Variants in MYO6 observed in about 807,000 individuals in gnomAD.
MYO6 encodes the protein unconventional myosin-VI.
Under a neutral mutation model 178.7 loss-of-function variants are expected in MYO6, and 74 were observed. The ratio of observed to expected loss-of-function variants is 0.41; its 90% confidence interval spans 0.34 to 0.50. The LOEUF is 0.50. Among genes scored for constraint, MYO6 ranks in the 20% least tolerant of loss-of-function variants. MYO6 has a pLI of 0.09. For synonymous variants in MYO6, 477 were observed against 504.6 expected, an observed-to-expected ratio of 0.95 and a Z score of 0.73; for missense variants, 1,330 against 1,547.4, an observed-to-expected ratio of 0.86 and a Z score of 2.36.
intron 1 of MYO6, among the ~76,000 whole-genome samples, chr6:75,811,293 G>A (rs1770679000): frequency 6.6e-6 from 1 of 151,974 alleles, no homozygotes; most frequent in African/African-American, 2.4e-5. Flanking sequence ...GTATAATTTG[G>A]GTTGGTTTTC....
intron 1 of MYO6, among the ~76,000 whole-genome samples, chr6:75,769,904 G>GA (rs1160945806): frequency 4.0e-5 from 6 of 150,426 alleles, no homozygotes; most frequent in Non-Finnish European, 8.9e-5. Flanking sequence ...TGTCTCAAAG[G>GA]AAAAAAAAAA....
intron 1 of MYO6, among the ~76,000 whole-genome samples, chr6:75,804,913 CATATATAATATATACACAT>C (rs1313800159): frequency 6.9e-6 from 1 of 145,454 alleles, no homozygotes; most frequent in African/African-American, 2.6e-5. Context: ...TATATACACA[CATATATAATATATACACAT>C]ATATACATAT....
intron 1 of MYO6, among the ~76,000 whole-genome samples, chr6:75,784,701 C>T (rs993926790): frequency 2.2e-5 from 3 of 138,034 alleles, no homozygotes; most frequent in Admixed American, 7.8e-5. Context: ...GGCGTGAACC[C>T]GGGAGGCGGA....
intron 30 of MYO6, among the ~76,000 whole-genome samples, chr6:75,905,127 A>C (rs1287344467): frequency 2.0e-5 from 3 of 152,112 alleles, no homozygotes; most frequent in African/African-American, 7.2e-5. Flanking sequence ...TGCTCTCTTC[A>C]AGGCTGTCAG....
rs141795988 is a variant in MYO6, at chr6:75,888,568, C to T, written c.2659-1489C>T. 4.7e-4 allele frequency among the ~76,000 whole-genome samples: 71 copies of T among 151,528 alleles called. No homozygotes were observed. The South Asian group carries it at 0.01, about 22-fold the overall frequency. ...AGGTTGCAGTGAACAGAGATTGCAC[C>T]ACTGCACTCCAGCCTGGGTGACAGT... On this transcript the variant is annotated intron_variant, in intron 25 of 34. Transcript: ENST00000369977.
chr6:75,907,245 G>A (rs9359148), intron 30 of MYO6, among the ~76,000 whole-genome samples: 19,767 of 152,092 alleles, frequency 0.13, 1,362 homozygotes, highest in Non-Finnish European at 0.15. Context: ...GTGTGTTGAG[G>A]ATTTCTTTCT....
At position 75,841,314 on chromosome 6, in the gene MYO6, T is replaced by C; in HGVS notation, c.752T>C (p.Leu251Ser). ...EERNYHIFYR[L>S]CAGASEDIRE... Reference sequence around the variant, plus strand: ...AGAAATTATCATATCTTTTATAGGTTGTGTGCTGGTGCTTCTGAAGATATT... The same window carrying C: ...AGAAATTATCATATCTTTTATAGGTCGTGTGCTGGTGCTTCTGAAGATATT... Residue 251 changes from leucine to serine, a missense_variant, in exon 9 of 35, where the codon TTG becomes TCG. This residue lies in a region of MYO6 where 613 missense variants were observed against 816.8 expected (regional missense o/e 0.75). Transcript: ENST00000369977. 2 of 1,614,034 alleles carry C rather than the reference T, an allele frequency of 1.2e-6. No homozygotes were observed. The highest frequency in any genetic ancestry group is 1.1e-5 in the South Asian group (1 of 91,086).
intron 1 of MYO6, among the ~76,000 whole-genome samples, chr6:75,816,067 G>T (rs887437612): frequency 1.3e-5 from 2 of 152,182 alleles, no homozygotes; most frequent in African/African-American, 4.8e-5. Flanking sequence ...CCATACAGGG[G>T]TAATGGAAAA....
chr6:75,825,916 T>C (rs1044943643), intron 3 of MYO6, among the ~76,000 whole-genome samples: 13 of 152,202 alleles, frequency 8.5e-5, no homozygotes, highest in Non-Finnish European at 1.6e-4. Context: ...TCAAATATTT[T>C]GTTATATGTC....
intron 1 of MYO6, among the ~76,000 whole-genome samples, chr6:75,788,778 T>A (rs1476828852): frequency 6.6e-6 from 1 of 152,082 alleles, no homozygotes; most frequent in Admixed American, 6.5e-5. Context: ...AGCTAAAGCG[T>A]AGAGATGGGA....
At chr6:75,882,513 G>A (rs940599083) in intron 23 of MYO6, among the ~76,000 whole-genome samples, 1 of 151,938 alleles carries the variant, frequency 6.6e-6, no homozygotes, top group Non-Finnish European at 1.5e-5. Flanking sequence ...TTTTTTGAAC[G>A]GAAGTCTGTC....
chr6:75,788,229 T>G (rs1370553066), intron 1 of MYO6, among the ~76,000 whole-genome samples: 15 of 151,936 alleles, frequency 9.9e-5, no homozygotes, highest in Admixed American at 9.8e-4. Context: ...CTAGGTGTGG[T>G]GGTGGGTGCT....
chr6:75,817,534 A>C lies in MYO6; in HGVS notation c.-14A>C, dbSNP rs1562201199. On this transcript the variant is annotated 5_prime_UTR_variant, in exon 2 of 35. Transcript: ENST00000369977. ...GGATAGTGGAAACAGGAGATCGTGG[A>C]TCCTCCTTCAAAAATGGAGGATGGA... 32 of 1,603,166 alleles carry C rather than the reference A, an allele frequency of 2.0e-5. No homozygotes were observed. Among genetic ancestry groups the C allele is most frequent in the Non-Finnish European group, 2.6e-5 (31 of 1,169,964 alleles).
At chr6:75,887,348 A>T (rs1281999789) in intron 25 of MYO6, among the ~76,000 whole-genome samples, 1 of 152,152 alleles carries the variant, frequency 6.6e-6, no homozygotes, top group Non-Finnish European at 1.5e-5. Context: ...CCTGAAATTA[A>T]AATAAAAGTT....
intron 7 of MYO6, among the ~76,000 whole-genome samples, chr6:75,839,063 T>G (rs1250479392): frequency 6.6e-5 from 10 of 152,092 alleles, no homozygotes; most frequent in Non-Finnish European, 7.4e-5. Flanking sequence ...GTGAAATGGC[T>G]GGGGAATGAT....
At chr6:75,894,745 C>T (rs2149379568) in intron 28 of MYO6, 1 of 1,033,072 alleles carries the variant, frequency 9.7e-7, no homozygotes. Flanking sequence ...GGGTTCTATG[C>T]TGTGTTAAAA....
At chr6:75,789,362 A>G (rs1225571984) in intron 1 of MYO6, among the ~76,000 whole-genome samples, 2 of 152,232 alleles carry the variant, frequency 1.3e-5, no homozygotes, top group African/African-American at 2.4e-5. Flanking sequence ...TTTAATCCTC[A>G]TAACAGGTTT....
intron 11 of MYO6, among the ~76,000 whole-genome samples, chr6:75,850,907 A>T (rs115254887): frequency 0.03 from 4,538 of 151,090 alleles, 96 homozygotes; most frequent in Non-Finnish European, 0.047. Context: ...AAAAAAAAAA[A>T]TTCAAGCAAA....
intron 23 of MYO6, among the ~76,000 whole-genome samples, chr6:75,885,630 T>C (rs1778370077): frequency 6.6e-6 from 1 of 152,164 alleles, no homozygotes; most frequent in Non-Finnish European, 1.5e-5. Flanking sequence ...GTATTTTTAG[T>C]AGAGACGGGG....
Sources: allele counts gnomAD v4.1 joint callset (sites outside exome capture counted in the v4.1 genomes callset), GRCh38; gene constraint gnomAD v4.1.1; regional missense constraint gnomAD v4.1.1; transcripts MANE v1.5; gene names NCBI Gene and HGNC (gene_info 2026-07-23, HGNC 2026-07-21).